The following SH3GL3 variants were observed in gnomAD, a reference collection of about 807,000 sequenced individuals.
SH3GL3 encodes endophilin-A3.
A neutral mutation model predicts 47.7 loss-of-function variants in SH3GL3; 33 were observed. That is an observed-to-expected ratio of 0.69 (90% CI 0.52 to 0.92). The LOEUF is 0.92. Ranked by LOEUF, SH3GL3 falls within the 40% of genes least tolerant of loss-of-function variation. The pLI is 0.00. For missense variants in SH3GL3, 363 were observed against 417.8 expected, an observed-to-expected ratio of 0.87 and a Z score of 1.14; for synonymous variants, 155 against 148.8, an observed-to-expected ratio of 1.04 and a Z score of -0.30.
At chr15:83,599,406 C>A (rs991286981) in intron 8 of SH3GL3, among the ~76,000 whole-genome samples, 1 of 152,190 alleles carries the variant, frequency 6.6e-6, no homozygotes, top group Non-Finnish European at 1.5e-5. Flanking sequence ...GTCTTTGCAT[C>A]CTCATAGCTT....
At chr15:83,567,626 T>G (rs1253534020) in intron 3 of SH3GL3, among the ~76,000 whole-genome samples, 1 of 152,146 alleles carries the variant, frequency 6.6e-6, no homozygotes, top group African/African-American at 2.4e-5. Context: ...CCTCCTATGA[T>G]TCTGCCTCCT....
chr15:83,577,355 A>G (rs1186769561), intron 6 of SH3GL3, among the ~76,000 whole-genome samples: 1 of 151,988 alleles, frequency 6.6e-6, no homozygotes, highest in Admixed American at 6.6e-5. Context: ...ATTTTCTCCT[A>G]TCTCCTGCCT....
chr15:83,514,801 C>T (rs1047144150), intron 1 of SH3GL3, among the ~76,000 whole-genome samples: 3 of 152,068 alleles, frequency 2.0e-5, no homozygotes, highest in South Asian at 2.1e-4. Context: ...TCCTCTTATT[C>T]GCAGCTGTCA....
At chr15:83,524,920 A>T (rs1458949158) in intron 1 of SH3GL3, among the ~76,000 whole-genome samples, 1 of 152,092 alleles carries the variant, frequency 6.6e-6, no homozygotes, top group Non-Finnish European at 1.5e-5. Flanking sequence ...TTGTTGATGA[A>T]CACATGATTC....
intron 1 of SH3GL3, among the ~76,000 whole-genome samples, chr15:83,555,609 G>T (rs969986440): frequency 6.6e-6 from 1 of 152,152 alleles, no homozygotes; most frequent in African/African-American, 2.4e-5. Context: ...TGACTTGACT[G>T]ATTCTTTGTT....
rs550126304 is a variant in SH3GL3, at chr15:83,470,022, C to G, written c.45+22444C>G. ...GCCTACACATTTAGGATTGCTATGT[C>G]TACTTGGTGCACTCACTCTTTTACT... On this transcript the variant is annotated intron_variant, in intron 1 of 8. Transcript: ENST00000427482. Among the ~76,000 whole-genome samples, 5 of 152,240 alleles carry G rather than the reference C, an allele frequency of 3.3e-5. No individual in the cohort carries two copies. The South Asian group carries it at 1.0e-3, about 32-fold the overall frequency.
At chr15:83,558,410 GT>G (rs1053950188) in intron 1 of SH3GL3, among the ~76,000 whole-genome samples, 3 of 150,562 alleles carry the variant, frequency 2.0e-5, no homozygotes, top group African/African-American at 4.9e-5. Flanking sequence ...ATTTATTGCT[GT>G]TTTTTTTTCT....
At chr15:83,522,856 A>T (rs1355152823) in intron 1 of SH3GL3, among the ~76,000 whole-genome samples, 1 of 152,146 alleles carries the variant, frequency 6.6e-6, no homozygotes, top group Non-Finnish European at 1.5e-5. Context: ...CCTATTTTTA[A>T]AAACACTTAA....
At chr15:83,605,011 C>T (rs1318946725) in intron 8 of SH3GL3, among the ~76,000 whole-genome samples, 1 of 152,218 alleles carries the variant, frequency 6.6e-6, no homozygotes, top group Non-Finnish European at 1.5e-5. Flanking sequence ...AGGTCTTTGG[C>T]TTCCTCATTG....
chr15:83,523,768 C>A (rs2043301874), intron 1 of SH3GL3, among the ~76,000 whole-genome samples: 1 of 151,940 alleles, frequency 6.6e-6, no homozygotes, highest in South Asian at 2.1e-4. Context: ...TTCTTTCTTT[C>A]TTTCCTTCTT....
intron 1 of SH3GL3, among the ~76,000 whole-genome samples, chr15:83,535,188 A>G (rs543642461): frequency 6.6e-6 from 1 of 152,116 alleles, no homozygotes; most frequent in Non-Finnish European, 1.5e-5. Context: ...TAAAAAAAAA[A>G]CTCAGGTATA....
intron 8 of SH3GL3, among the ~76,000 whole-genome samples, chr15:83,595,442 A>G (rs2060212629): frequency 1.3e-5 from 2 of 151,970 alleles, no homozygotes; most frequent in Admixed American, 6.6e-5. Flanking sequence ...TCTGCACACC[A>G]AATCCCTGTG....
chr15:83,566,840 G>A (rs184836917), intron 3 of SH3GL3, among the ~76,000 whole-genome samples: 20 of 152,290 alleles, frequency 1.3e-4, no homozygotes, highest in South Asian at 6.2e-4. Flanking sequence ...GCTGGCACGG[G>A]AATGTCACTA....
At chr15:83,537,760 TTATCCTCAGCTC>T (rs1469749485) in intron 1 of SH3GL3, among the ~76,000 whole-genome samples, 1 of 152,162 alleles carries the variant, frequency 6.6e-6, no homozygotes, top group East Asian at 1.9e-4. Flanking sequence ...TTGGTTGGCT[TTATCCTCAGCTC>T]TCTAATCCCA....
At chr15:83,572,831 C>G in intron 5 of SH3GL3, 133 bp downstream of exon 5, 1 of 633,186 alleles carries the variant, frequency 1.6e-6, no homozygotes, top group Admixed American at 3.2e-5. Flanking sequence ...TGACTCAGTT[C>G]TATTTTCCTG....
chr15:83,503,369 A>G (rs1018219228), intron 1 of SH3GL3, among the ~76,000 whole-genome samples: 3 of 152,184 alleles, frequency 2.0e-5, no homozygotes, highest in Non-Finnish European at 2.9e-5. Context: ...CTATGAGAAT[A>G]TGGATCCACA....
At chr15:83,607,209 G>A (rs1217623385) in intron 8 of SH3GL3, among the ~76,000 whole-genome samples, 1 of 152,166 alleles carries the variant, frequency 6.6e-6, no homozygotes, top group African/African-American at 2.4e-5. Flanking sequence ...ACTCTATAAT[G>A]ATACATTTGA....
intron 8 of SH3GL3, among the ~76,000 whole-genome samples, chr15:83,615,517 G>A (rs1244762003): frequency 6.6e-6 from 1 of 152,074 alleles, no homozygotes; most frequent in Non-Finnish European, 1.5e-5. Flanking sequence ...TCACCATGTT[G>A]GCCAGGGTGG....
At chr15:83,537,132 G>A (rs1256188343) in intron 1 of SH3GL3, among the ~76,000 whole-genome samples, 2 of 152,166 alleles carry the variant, frequency 1.3e-5, no homozygotes, top group East Asian at 3.9e-4. Flanking sequence ...GACTCAGGGA[G>A]GCTGGAAAGA....
Sources: gnomAD v4.1 joint callset for allele counts (sites outside exome capture counted in the v4.1 genomes callset) on GRCh38, gnomAD v4.1.1 for gene constraint, MANE v1.5 for transcripts, NCBI Gene and HGNC (gene_info 2026-07-23, HGNC 2026-07-21) for gene names.